Variants in CFAP263 observed in about 807,000 individuals in gnomAD.
CFAP263 encodes cilia and flagella associated protein 263.
the CFAP263 span, among the ~76,000 whole-genome samples, chr16:58,273,070 T>A: frequency 0.14 from 21,736 of 152,152 alleles, 1,667 homozygotes; most frequent in East Asian, 0.2. Flanking sequence ...GGGCTTCCCT[T>A]GTATGTAATG....
At chr16:58,277,372 G>T in the CFAP263 span, among the ~76,000 whole-genome samples, 4 of 152,022 alleles carry the variant, frequency 2.6e-5, no homozygotes, top group Non-Finnish European at 5.9e-5. Context: ...CAAGTGATCC[G>T]CCCGCCTTAG....
At chr16:58,253,972 A>G in the CFAP263 span, 25 of 1,613,642 alleles carry the variant, frequency 1.5e-5, no homozygotes, top group Admixed American at 1.0e-4. Context: ...CTCTTTGACA[A>G]TGGCTTTGTT....
At chr16:58,263,260 A>G in the CFAP263 span, among the ~76,000 whole-genome samples, 4 of 152,314 alleles carry the variant, frequency 2.6e-5, no homozygotes, top group East Asian at 7.7e-4. Context: ...CTTTATAACC[A>G]ATTTGATTAT....
chr16:58,279,722 A>G, the CFAP263 span: 1 of 1,612,052 alleles, frequency 6.2e-7, no homozygotes, highest in Non-Finnish European at 8.5e-7. Flanking sequence ...AAGGCTTGGA[A>G]TCGAATGAAA....
At chr16:58,271,886 G>C in the CFAP263 span, among the ~76,000 whole-genome samples, 1 of 152,178 alleles carries the variant, frequency 6.6e-6, no homozygotes. Flanking sequence ...ACTATGTACA[G>C]CCCATACTTA....
the CFAP263 span, among the ~76,000 whole-genome samples, chr16:58,275,097 G>A: frequency 2.0e-5 from 3 of 152,196 alleles, no homozygotes; most frequent in African/African-American, 7.2e-5. Flanking sequence ...AAACAGACAG[G>A]AGGTATTCAC....
chr16:58,274,001 T>G, the CFAP263 span, among the ~76,000 whole-genome samples: 1 of 152,264 alleles, frequency 6.6e-6, no homozygotes, highest in Non-Finnish European at 1.5e-5. Context: ...TCTTTGACTC[T>G]GCATCTTCCT....
chr16:58,275,843 A>G, the CFAP263 span, among the ~76,000 whole-genome samples: 1 of 152,244 alleles, frequency 6.6e-6, no homozygotes, highest in Non-Finnish European at 1.5e-5. Flanking sequence ...CAGGTATATC[A>G]GAGATTTAAA....
chr16:58,259,791 C>A, the CFAP263 span: 1 of 1,122,324 alleles, frequency 8.9e-7, no homozygotes. Flanking sequence ...ATCCACTTTT[C>A]AAACCAATGG....
the CFAP263 span, among the ~76,000 whole-genome samples, chr16:58,262,811 A>G: frequency 3.5e-5 from 4 of 112,846 alleles, no homozygotes; most frequent in Non-Finnish European, 4.1e-5. Context: ...AGATAGACAG[A>G]TGCTTAGTCT....
chr16:58,257,010 A>ATTTATTTTT, the CFAP263 span, among the ~76,000 whole-genome samples: 2 of 50,194 alleles, frequency 4.0e-5, no homozygotes, highest in Non-Finnish European at 7.1e-5. Flanking sequence ...GCATATATGA[A>ATTTATTTTT]TTTCTTTTTT....
At chr16:58,253,712 A>G in the CFAP263 span, among the ~76,000 whole-genome samples, 1 of 152,218 alleles carries the variant, frequency 6.6e-6, no homozygotes, top group South Asian at 2.1e-4. Flanking sequence ...ATGCTAGTCT[A>G]TAGCAGGTTC....
chr16:58,266,088 T>C, the CFAP263 span, among the ~76,000 whole-genome samples: 1 of 152,144 alleles, frequency 6.6e-6, no homozygotes, highest in African/African-American at 2.4e-5. Flanking sequence ...GAACAGGAAA[T>C]GAGCCTTAAA....
chr16:58,253,419 G>A, the CFAP263 span, among the ~76,000 whole-genome samples: 1 of 151,950 alleles, frequency 6.6e-6, no homozygotes, highest in African/African-American at 2.4e-5. Flanking sequence ...TTTAAATTGA[G>A]GGACTCAACT....
chr16:58,266,399 ATATATATTTTTTTTT>A, the CFAP263 span, among the ~76,000 whole-genome samples: 731 of 38,922 alleles, frequency 0.019, 1 homozygote, highest in Non-Finnish European at 0.026. Context: ...ATATATATAT[ATATATATTTTTTTTT>A]TTTTTTTTTT....
At chr16:58,253,871 A>C in the CFAP263 span, 3 of 935,178 alleles carry the variant, frequency 3.2e-6, no homozygotes, top group Non-Finnish European at 5.0e-6. Flanking sequence ...TTTTACCATG[A>C]ATTTGTTCTC....
the CFAP263 span, among the ~76,000 whole-genome samples, chr16:58,269,570 TAA>T: frequency 6.6e-6 from 1 of 152,250 alleles, no homozygotes; most frequent in African/African-American, 2.4e-5. Flanking sequence ...ACATTTCATT[TAA>T]AAGAGATTAT....
chr16:58,251,807 C>G, the CFAP263 span, among the ~76,000 whole-genome samples: 1 of 13,236 alleles, frequency 7.6e-5, no homozygotes, highest in South Asian at 1.2e-3. Context: ...AAGCTGTTCT[C>G]TCTCTCATAT....
the CFAP263 span, among the ~76,000 whole-genome samples, chr16:58,273,958 C>T: frequency 6.6e-5 from 10 of 152,282 alleles, no homozygotes; most frequent in South Asian, 4.2e-4. Flanking sequence ...ATTGCCCTGA[C>T]GACCAGGGAT....
Sources: gnomAD v4.1 joint callset for allele counts (sites outside exome capture counted in the v4.1 genomes callset) on GRCh38, gnomAD v4.1.1 for gene constraint, MANE v1.5 for transcripts, NCBI Gene and HGNC (gene_info 2026-07-23, HGNC 2026-07-21) for gene names.